Variants in NFYC observed in about 807,000 individuals in gnomAD.
NFYC encodes the protein CAAT box DNA-binding protein subunit C.
In NFYC, 25 loss-of-function variants were observed where a neutral mutation model predicts 53.1. That is an observed-to-expected ratio of 0.47 (90% CI 0.34 to 0.66). NFYC has a LOEUF of 0.66. Ranked by LOEUF, NFYC falls within the 30% of genes least tolerant of loss-of-function variation. NFYC has a pLI of 0.01. For missense variants in NFYC, 260 were observed against 422.7 expected (o/e 0.62, Z 3.38); for synonymous variants, 145 against 152.6 (o/e 0.95, Z 0.37).
intron 1 of NFYC, among the ~76,000 whole-genome samples, chr1:40,698,887 G>A (rs544480226): frequency 1.2e-4 from 19 of 152,188 alleles, no homozygotes; most frequent in African/African-American, 2.9e-4. Context: ...GAGATGGGCC[G>A]GGCGCCGTGG....
intron 1 of NFYC, among the ~76,000 whole-genome samples, chr1:40,711,891 AAG>A (rs2148455374): frequency 6.6e-6 from 1 of 152,314 alleles, no homozygotes; most frequent in Non-Finnish European, 1.5e-5. Context: ...ATTTAAAGTC[AAG>A]AGATCTGTGT....
intron 1 of NFYC, among the ~76,000 whole-genome samples, chr1:40,716,980 AGATTT>A (rs1460225222): frequency 6.6e-6 from 1 of 152,172 alleles, no homozygotes; most frequent in Non-Finnish European, 1.5e-5. Flanking sequence ...AAAAGAAGAT[AGATTT>A]GATTTGGGGC....
intron 1 of NFYC, among the ~76,000 whole-genome samples, chr1:40,725,407 G>A (rs1378277649): frequency 6.6e-6 from 1 of 152,208 alleles, no homozygotes; most frequent in African/African-American, 2.4e-5. Flanking sequence ...CAAGCGTCCA[G>A]TACACAGACG....
intron 2 of NFYC, among the ~76,000 whole-genome samples, chr1:40,745,403 A>C (rs1407307590): frequency 6.6e-6 from 1 of 152,180 alleles, no homozygotes; most frequent in Non-Finnish European, 1.5e-5. Flanking sequence ...ATTTCTATGT[A>C]GTGTCATCAT....
rs1329219076 is a variant in NFYC, at chr1:40,732,235, T to C, written c.-8-6601T>C. ...AGTTTGGTATAGAGAATGAAGTACA[T>C]GCCAAGGAATAGAGAGCTGAACTGA... On this transcript the variant is annotated intron_variant, in intron 1 of 9. Coordinates refer to ENST00000447388, the MANE Select transcript of NFYC (RefSeq NM_014223.5). Among the ~76,000 whole-genome samples, 3 of 152,222 alleles carry C rather than the reference T, an allele frequency of 2.0e-5. No homozygotes were observed. The East Asian group carries it at 5.8e-4, about 29-fold the overall frequency.
intron 7 of NFYC, among the ~76,000 whole-genome samples, chr1:40,765,044 G>A (rs1043456547): frequency 6.6e-6 from 1 of 152,122 alleles, no homozygotes; most frequent in African/African-American, 2.4e-5. Context: ...TGTGATCCCT[G>A]GCTGGAGTTC....
At chr1:40,722,602 C>G (rs180961785) in intron 1 of NFYC, among the ~76,000 whole-genome samples, 1 of 152,288 alleles carries the variant, frequency 6.6e-6, no homozygotes, top group East Asian at 1.9e-4. Context: ...TGATATGATG[C>G]CATCTGGCAT....
At position 40,758,040 on chromosome 1, in the gene NFYC, T is replaced by A. The variant is rs145491064; in HGVS notation, c.388-81T>A. The A allele has an allele frequency of 3.0e-5, 46 of 1,522,142 alleles. No homozygotes were observed. The African/African-American group carries it at 5.1e-4, about 17-fold the overall frequency. 94.3% of individuals were successfully genotyped at this position (1,522,142 alleles called of 1,614,324 possible). ...CAGCAGGCAACTGCACATAGCCTGT[T>A]TGGGGGAAGAGTGGAAATTCACTGT... On this transcript the variant is annotated intron_variant, in intron 5 of 9. Transcript: ENST00000447388.
chr1:40,736,956 T>G (rs1421916958), intron 1 of NFYC, among the ~76,000 whole-genome samples: 2 of 150,006 alleles, frequency 1.3e-5, no homozygotes, highest in Admixed American at 1.3e-4. Flanking sequence ...CGAAACCCCA[T>G]CTTTACTAAA....
At chr1:40,694,633 G>A (rs1156560496) in intron 1 of NFYC, among the ~76,000 whole-genome samples, 1 of 152,102 alleles carries the variant, frequency 6.6e-6, no homozygotes, top group African/African-American at 2.4e-5. Flanking sequence ...TGATAAAAAT[G>A]AGTGTATATG....
chr1:40,714,145 A>G (rs1256860402), intron 1 of NFYC, among the ~76,000 whole-genome samples: 1 of 152,152 alleles, frequency 6.6e-6, no homozygotes. Context: ...TTTTTTTGTT[A>G]TTATATTTCA....
intron 1 of NFYC, among the ~76,000 whole-genome samples, chr1:40,718,262 G>A (rs1644209858): frequency 6.6e-6 from 1 of 152,202 alleles, no homozygotes; most frequent in South Asian, 2.1e-4. Flanking sequence ...CCTAATGTAA[G>A]TAGGACAGAC....
intron 1 of NFYC, among the ~76,000 whole-genome samples, chr1:40,698,500 C>T (rs1467223364): frequency 6.6e-6 from 1 of 151,832 alleles, no homozygotes; most frequent in Non-Finnish European, 1.5e-5. Context: ...GACCTCGGCT[C>T]ACTGCAACCT....
chr1:40,705,052 A>G (rs1643629821), intron 1 of NFYC, among the ~76,000 whole-genome samples: 1 of 152,230 alleles, frequency 6.6e-6, no homozygotes, highest in Non-Finnish European at 1.5e-5. Flanking sequence ...GCATAGTACA[A>G]TATGCTTTAC....
intron 5 of NFYC, among the ~76,000 whole-genome samples, chr1:40,754,732 C>T (rs1646115621): frequency 6.6e-6 from 1 of 152,080 alleles, no homozygotes; most frequent in Non-Finnish European, 1.5e-5. Context: ...CTGTGGGCTG[C>T]CTGCTGAATA....
chr1:40,722,665 G>T (rs552024435), intron 1 of NFYC, among the ~76,000 whole-genome samples: 7 of 152,338 alleles, frequency 4.6e-5, no homozygotes, highest in African/African-American at 1.7e-4. Context: ...TTTACCATTT[G>T]TGTGTTTCAG....
intron 1 of NFYC, among the ~76,000 whole-genome samples, chr1:40,708,762 TAAAG>T (rs1385561468): frequency 6.6e-6 from 1 of 152,256 alleles, no homozygotes; most frequent in East Asian, 1.9e-4. Context: ...CTGTTAGTGT[TAAAG>T]AAGCTGTATT....
rs991562524 is a variant in NFYC at position 40,749,750 on chromosome 1, G to A, written c.291+64G>A. On this transcript the variant is annotated intron_variant, in intron 4 of 9. Transcript: ENST00000447388. ...CAGCAGCCTTTGCCTGTTTTCCTGC[G>A]TGGTGTTGGAGAAAGATTGTTCTCC... The A allele has an allele frequency of 4.7e-5, 62 of 1,316,804 alleles. No individual in the cohort carries two copies. The East Asian group carries it at 8.5e-4, about 18-fold the overall frequency. 81.6% of individuals were successfully genotyped at this position (1,316,804 alleles called of 1,614,324 possible). A position where few individuals can be genotyped will look rare whatever the true frequency, so the allele number is the denominator to read the frequency against.
chr1:40,731,199 C>T lies in NFYC; in HGVS notation c.-8-7637C>T, dbSNP rs201162544. Among the ~76,000 whole-genome samples the T allele has an allele frequency of 3.0e-4, 46 of 151,706 alleles. No individual in the cohort carries two copies. In the East Asian group the frequency reaches 7.7e-3, roughly 25 times the overall value. ...AATCATCTTACTTTTTTTTTTGGGA[C>T]GGAGTCTTGCTGTATCCCAGTATGG... On this transcript the variant is annotated intron_variant, in intron 1 of 9. Transcript: ENST00000447388.
Sources: gnomAD v4.1 joint callset for allele counts (sites outside exome capture counted in the v4.1 genomes callset) on GRCh38, gnomAD v4.1.1 for gene constraint, MANE v1.5 for transcripts, NCBI Gene and HGNC (gene_info 2026-07-23, HGNC 2026-07-21) for gene names.